Variants in WDPCP observed in about 807,000 individuals in gnomAD.
WDPCP encodes the protein WD repeat containing planar cell polarity effector.
WDPCP carries 71 observed loss-of-function variants against 93.1 expected under a neutral mutation model. The ratio of observed to expected loss-of-function variants is 0.76; its 90% CI spans 0.63 to 0.93. WDPCP has a LOEUF of 0.93. Among genes scored for constraint, WDPCP ranks in the 40% least tolerant of loss-of-function variants. WDPCP has a pLI of 0.00. For missense variants in WDPCP, 844 were observed against 887.4 expected, an observed-to-expected ratio of 0.95 and a Z score of 0.62; for synonymous variants, 315 against 315.0, an observed-to-expected ratio of 1.00 and a Z score of 0.00.
intron 17 of WDPCP, among the ~76,000 whole-genome samples, chr2:63,137,353 G>GT (rs536403442): frequency 6.3e-4 from 96 of 152,128 alleles, no homozygotes; most frequent in African/African-American, 2.1e-3. Flanking sequence ...ATTGTTGTTT[G>GT]TATGTATGAT....
chr2:63,543,294 T>C (rs13421646), intron 1 of WDPCP, among the ~76,000 whole-genome samples: 10,502 of 152,170 alleles, frequency 0.069, 1,110 homozygotes, highest in African/African-American at 0.23. Flanking sequence ...CTGTCAGTTA[T>C]AATAGCCTAC....
chr2:63,621,261 G>A (rs1211857961), intron 3 of WDPCP, among the ~76,000 whole-genome samples: 1 of 151,946 alleles, frequency 6.6e-6, no homozygotes, highest in African/African-American at 2.4e-5. Flanking sequence ...CCCAAGGCAA[G>A]AAAGCTAAGA....
Position 63,386,449 on chromosome 2 carries a change from T to A in WDPCP, c.1436-4355A>T, listed in dbSNP as rs537411579. 2.0e-5 allele frequency among the ~76,000 whole-genome samples: 3 copies of A among 152,118 alleles called. No individual in the cohort carries two copies. In the South Asian group the frequency reaches 6.2e-4, roughly 32 times the overall value. On this transcript the variant is annotated intron_variant, in intron 10 of 17. Coordinates refer to ENST00000272321, the MANE Select transcript of WDPCP (RefSeq NM_015910.7). ...ACAAGATATACAACAAATAAGCACA[T>A]GAAAAGATGCTTGATTCCAACAGTC... is the stretch of plus-strand genomic sequence containing the variant.
intron 3 of WDPCP, among the ~76,000 whole-genome samples, chr2:63,648,450 G>C (rs1710076303): frequency 6.6e-6 from 1 of 152,034 alleles, no homozygotes; most frequent in South Asian, 2.1e-4. Context: ...TCAATGAGTT[G>C]GGAAATGTAT....
chr2:63,414,292 A>G (rs1003212677), intron 9 of WDPCP, among the ~76,000 whole-genome samples: 1 of 152,212 alleles, frequency 6.6e-6, no homozygotes, highest in African/African-American at 2.4e-5. Context: ...AACTAAAAGT[A>G]GAACTACCAT....
intron 3 of WDPCP, among the ~76,000 whole-genome samples, chr2:63,619,477 C>T (rs1024198661): frequency 5.0e-4 from 76 of 152,326 alleles, no homozygotes; most frequent in Non-Finnish European, 9.7e-4. Flanking sequence ...CATGTGGCCA[C>T]TGGTCATGCA....
At chr2:63,720,578 A>T (rs987098967) in intron 2 of WDPCP, among the ~76,000 whole-genome samples, 1 of 152,094 alleles carries the variant, frequency 6.6e-6, no homozygotes, top group Non-Finnish European at 1.5e-5. Context: ...TACCCTCCCC[A>T]TTGATTTTTT....
chr2:63,514,935 A>G (rs1476903368), intron 1 of WDPCP, among the ~76,000 whole-genome samples: 2 of 152,136 alleles, frequency 1.3e-5, no homozygotes, highest in Non-Finnish European at 2.9e-5. Context: ...AGCCAGGGCC[A>G]GGGCTGCAAA....
intron 6 of WDPCP, among the ~76,000 whole-genome samples, chr2:63,461,941 G>A (rs751630854): frequency 9.9e-5 from 15 of 152,168 alleles, no homozygotes; most frequent in Non-Finnish European, 2.1e-4. Flanking sequence ...AGACAGTGTG[G>A]CAATTCCTCA....
At chr2:63,611,663 A>G (rs1460349197) in intron 3 of WDPCP, among the ~76,000 whole-genome samples, 1 of 152,254 alleles carries the variant, frequency 6.6e-6, no homozygotes, top group Non-Finnish European at 1.5e-5. Flanking sequence ...CCTCAAAACA[A>G]GAAACATATC....
intron 13 of WDPCP, among the ~76,000 whole-genome samples, chr2:63,303,676 G>T (rs928968820): frequency 5.3e-5 from 8 of 152,160 alleles, no homozygotes; most frequent in Non-Finnish European, 1.0e-4. Context: ...GATACCAGGG[G>T]CAACACGGTA....
intron 1 of WDPCP, among the ~76,000 whole-genome samples, chr2:63,523,745 C>T (rs975404996): frequency 5.3e-5 from 8 of 151,846 alleles, no homozygotes; most frequent in Admixed American, 1.3e-4. Flanking sequence ...AACGCCATCT[C>T]GAATAAAAAT....
At position 63,800,118 on chromosome 2, in the gene WDPCP, C is replaced by T. The variant is rs541839016; in HGVS notation, n.308+13504G>A. 3.3e-5 allele frequency among the ~76,000 whole-genome samples: 5 copies of T among 152,224 alleles called. No homozygotes were observed. In the South Asian group the frequency reaches 8.3e-4, roughly 25 times the overall value. ...ATCTAAGAGTCTTTGTGAATATTCA[C>T]TGATCCCAAATAAGGCATCTTAGGC... is the stretch of plus-strand genomic sequence containing the variant. On this transcript the variant is annotated intron_variant and non_coding_transcript_variant, in intron 2 of 4. Transcript: ENST00000467687.
chr2:63,295,922 C>T (rs543482763), intron 13 of WDPCP, among the ~76,000 whole-genome samples: 55 of 150,536 alleles, frequency 3.7e-4, no homozygotes, highest in African/African-American at 1.1e-3. Context: ...GGAAGGATTC[C>T]TCCCTAATTC....
chr2:63,178,148 C>T (rs1168912341), intron 14 of WDPCP, among the ~76,000 whole-genome samples: 1 of 152,120 alleles, frequency 6.6e-6, no homozygotes, highest in Non-Finnish European at 1.5e-5. Context: ...ACTTTTGCTC[C>T]AATATCTATC....
intron 14 of WDPCP, among the ~76,000 whole-genome samples, chr2:63,242,532 G>A (rs1278400285): frequency 6.6e-6 from 1 of 152,188 alleles, no homozygotes; most frequent in Non-Finnish European, 1.5e-5. Flanking sequence ...TGAGGCAGGA[G>A]GATTGCTTGT....
chr2:63,200,453 C>T (rs910238294), intron 14 of WDPCP, among the ~76,000 whole-genome samples: 3 of 152,082 alleles, frequency 2.0e-5, no homozygotes, highest in Non-Finnish European at 4.4e-5. Flanking sequence ...TGTCCATTAG[C>T]AGATGAATGG....
intron 14 of WDPCP, among the ~76,000 whole-genome samples, chr2:63,209,850 T>G (rs1282297970): frequency 1.3e-5 from 2 of 152,212 alleles, no homozygotes; most frequent in East Asian, 1.9e-4. Flanking sequence ...CAACGTATAC[T>G]GACATATAGC....
chr2:63,433,806 A>G lies in WDPCP; in HGVS notation c.764T>C (p.Ile255Thr). The G allele has an allele frequency of 6.2e-7, 1 of 1,612,326 alleles. No homozygotes were observed. Among genetic ancestry groups the G allele is most frequent in the Non-Finnish European group, 8.5e-7 (1 of 1,178,466 alleles). ...VNDDAWPWAP[I>T]SSEKDRANLL... is the part of the protein sequence containing the mutation. ...ATTGGCTCTGTCCTTCTCAGAAGAA[A>G]TGGGGGCCCAAGGCCAAGCATCATC... The change falls in exon 9 of 18, where the codon ATT becomes ACT. Residue 255 changes from isoleucine to threonine, a missense_variant. Transcript: ENST00000272321.
Sources: gnomAD v4.1 joint callset for allele counts (sites outside exome capture counted in the v4.1 genomes callset) on GRCh38, gnomAD v4.1.1 for gene constraint, MANE v1.5 for transcripts, NCBI Gene and HGNC (gene_info 2026-07-23, HGNC 2026-07-21) for gene names.